The following KBTBD11 variants were observed in gnomAD, a reference collection of about 807,000 sequenced individuals.
The protein encoded by KBTBD11 is kelch repeat and BTB domain-containing protein 11.
For synonymous variants in KBTBD11, 747 were observed against 499.0 expected, an observed-to-expected ratio of 1.50 and a Z score of -6.63; for missense variants, 1,390 against 1,001.8, an observed-to-expected ratio of 1.39 and a Z score of -5.23.
chr8:1,974,312 C>CCCGCG, intron 1 of KBTBD11: 2 of 984,566 alleles, frequency 2.0e-6, no homozygotes, highest in East Asian at 1.1e-4. Context: ...CAATGAGCCG[C>CCCGCG]CCGCGCCGCG....
At chr8:1,999,553 A>G (rs11986732) in intron 1 of KBTBD11, among the ~76,000 whole-genome samples, 74,632 of 152,018 alleles carry the variant, frequency 0.49, 18,742 homozygotes, top group East Asian at 0.77. Context: ...ATTGTATTCT[A>G]TAATGCATCT....
intron 1 of KBTBD11, among the ~76,000 whole-genome samples, chr8:1,987,007 CAAAAAAAAA>C (rs59934216): frequency 1.6e-5 from 1 of 62,022 alleles, no homozygotes; most frequent in Non-Finnish European, 2.6e-5. Flanking sequence ...CCTATCTCTC[CAAAAAAAAA>C]AAAAAAAAAA....
chr8:1,996,712 T>C (rs1008732873), intron 1 of KBTBD11, among the ~76,000 whole-genome samples: 31 of 152,158 alleles, frequency 2.0e-4, no homozygotes, highest in African/African-American at 7.5e-4. Context: ...AAATAGAGCA[T>C]GATATTTTAT....
rs775226395 is a variant in KBTBD11, at chr8:2,006,068, TCTG to T, written c.*3008_*3010del. 6.0e-6 allele frequency: 1 copy of T among 167,114 alleles called. No homozygotes were observed. The highest frequency in any genetic ancestry group is 1.5e-5 in the Non-Finnish European group (1 of 68,124). The allele number at this position is 167,114 out of a possible 1,614,324, so 10.4% of individuals were successfully genotyped here. ...TTCTGAGTCTGTGGAGGCACCGACT[TCTG>T]CTGTAAGAAAATGAATGTTGTGGAA... On this transcript the variant is annotated 3_prime_UTR_variant, in exon 2 of 2. Transcript: ENST00000320248.
At chr8:1,993,507 A>G (rs1585745502) in intron 1 of KBTBD11, among the ~76,000 whole-genome samples, 1 of 100,328 alleles carries the variant, frequency 1.0e-5, no homozygotes, top group African/African-American at 3.3e-5. Context: ...CCATCCATCC[A>G]TCCATCCATC....
intron 1 of KBTBD11, among the ~76,000 whole-genome samples, chr8:1,977,816 A>T (rs1307832532): frequency 3.3e-5 from 5 of 152,176 alleles, no homozygotes; most frequent in African/African-American, 1.2e-4. Flanking sequence ...GATTACAGGC[A>T]TGAACCACCA....
chr8:2,001,613 G>A lies in KBTBD11; in HGVS notation c.421G>A (p.Asp141Asn). The stretch of plus-strand genomic sequence containing the variant: ...GTTCGGGGCGGTGTACGGGGAGCCG[G>A]ACCTGGTGCTGGAGGTGTCGGGGCG... ...PGFGAVYGEP[D>N]LVLEVSGRRL... Residue 141 changes from aspartate (D) to asparagine (N), a missense_variant, in exon 2 of 2, where the codon GAC becomes AAC. Physicochemically the swap from Asp to Asn is conservative, Grantham distance 23 (BLOSUM62 1). Transcript: ENST00000320248. 2.0e-6 allele frequency: 3 copies of A among 1,477,446 alleles called. No individual in the cohort carries two copies. The highest frequency in any genetic ancestry group is 2.7e-6 in the Non-Finnish European group (3 of 1,119,590). The allele number at this position is 1,477,446 out of a possible 1,614,324, so 91.5% of individuals were successfully genotyped here.
chr8:1,986,800 C>G (rs73538611), intron 1 of KBTBD11, among the ~76,000 whole-genome samples: 4,795 of 152,084 alleles, frequency 0.032, 268 homozygotes, highest in African/African-American at 0.11. Context: ...TATAAAGAAA[C>G]GCTCATGGAT....
chr8:1,982,033 G>A (rs980324472), intron 1 of KBTBD11, among the ~76,000 whole-genome samples: 14 of 152,130 alleles, frequency 9.2e-5, no homozygotes, highest in African/African-American at 3.1e-4. Flanking sequence ...CTTCTCTGGA[G>A]AACCCTGGTT....
chr8:1,996,418 C>T (rs1026328409), intron 1 of KBTBD11, among the ~76,000 whole-genome samples: 1 of 152,144 alleles, frequency 6.6e-6, no homozygotes, highest in African/African-American at 2.4e-5. Context: ...AGCCCTGTGC[C>T]ACCAAGCCCG....
rs184469053 is a variant in KBTBD11, at chr8:1,983,959, G to A, written c.-909+10024G>A. On this transcript the variant is annotated intron_variant, in intron 1 of 1. Coordinates refer to ENST00000320248, the MANE Select transcript of KBTBD11 (RefSeq NM_014867.3). ...AGCCTGGCCAACAAGGTGAAGCTCC[G>A]TCTCTACTAAAAATACAAAAATTAG... 6.6e-5 allele frequency among the ~76,000 whole-genome samples: 10 copies of A among 151,034 alleles called. No individual in the cohort carries two copies. The East Asian group carries it at 1.6e-3, about 24-fold the overall frequency.
chr8:1,998,895 C>G (rs1236362887), intron 1 of KBTBD11, among the ~76,000 whole-genome samples: 6 of 152,196 alleles, frequency 3.9e-5, no homozygotes. Flanking sequence ...CATTGTGGTC[C>G]TTTCCCCGGC....
rs1563379269 is a variant in KBTBD11 at position 2,001,636 on chromosome 8, G to A, written c.444G>A (p.Gly148=). 3 of 1,479,096 alleles carry A rather than the reference G, an allele frequency of 2.0e-6. No homozygotes were observed. The highest frequency in any genetic ancestry group is 2.7e-6 in the Non-Finnish European group (3 of 1,120,524). The allele number at this position is 1,479,096 out of a possible 1,614,324, so 91.6% of individuals were successfully genotyped here. ...CGGACCTGGTGCTGGAGGTGTCGGG[G>A]CGCCGGCTGCGCGCGCACAAGGCGG... The part of the protein sequence containing the change: ...GEPDLVLEVS[G]RRLRAHKAVL... The change falls in exon 2 of 2, where the codon GGG becomes GGA. Residue 148 remains glycine, a synonymous_variant. Coordinates refer to ENST00000320248, the MANE Select transcript of KBTBD11 (RefSeq NM_014867.3).
chr8:1,998,625 T>C (rs1335784946), intron 1 of KBTBD11, among the ~76,000 whole-genome samples: 2 of 152,238 alleles, frequency 1.3e-5, no homozygotes, highest in Non-Finnish European at 2.9e-5. Flanking sequence ...GAAAGTTTAC[T>C]ACACTGGATT....
At chr8:1,976,672 G>A (rs1260538072) in intron 1 of KBTBD11, among the ~76,000 whole-genome samples, 1 of 152,138 alleles carries the variant, frequency 6.6e-6, no homozygotes, top group Non-Finnish European at 1.5e-5. Flanking sequence ...CGTTAATACA[G>A]TGAAAGGCAT....
rs752423080 is a variant in KBTBD11 at position 2,001,292 on chromosome 8, C to A, written c.100C>A (p.Pro34Thr). The change falls in exon 2 of 2, where the codon CCC becomes ACC. Residue 34 changes from proline to threonine, a missense_variant. Pro to Thr is a conservative substitution (Grantham distance 38). Coordinates refer to ENST00000320248, the MANE Select transcript of KBTBD11 (RefSeq NM_014867.3). Reference protein sequence around the residue: ...SEGAASPAQTPCSLGASLCFS... With the variant: ...SEGAASPAQTTCSLGASLCFS... ...GGGCGCCGCGTCCCCGGCGCAGACACCCTGCAGTCTCGGCGCGTCCCTGTG... is the reference window on the plus strand; with the variant it reads ...GGGCGCCGCGTCCCCGGCGCAGACAACCTGCAGTCTCGGCGCGTCCCTGTG... The A allele has an allele frequency of 8.2e-5, 125 of 1,524,708 alleles. No homozygotes were observed. The highest frequency in any genetic ancestry group is 1.1e-4 in the Non-Finnish European group (122 of 1,144,448). The allele number at this position is 1,524,708 out of a possible 1,614,324, so 94.4% of individuals were successfully genotyped here.
chr8:1,974,317 G>A (rs947435245), intron 1 of KBTBD11: 6 of 984,374 alleles, frequency 6.1e-6, no homozygotes, highest in African/African-American at 1.8e-5. Flanking sequence ...AGCCGCCCGC[G>A]CCGCGCCCGC....
At chr8:1,980,133 A>T (rs983786031) in intron 1 of KBTBD11, among the ~76,000 whole-genome samples, 1 of 151,684 alleles carries the variant, frequency 6.6e-6, no homozygotes, top group Non-Finnish European at 1.5e-5. Context: ...ATCTTATTAG[A>T]TGGGATTTGA....
chr8:2,002,668 G>A lies in KBTBD11; in HGVS notation c.1476G>A (p.Ser492=), dbSNP rs772071058. The A allele has an allele frequency of 6.4e-6, 10 of 1,570,496 alleles. No individual in the cohort carries two copies. In the Admixed American group the frequency reaches 1.6e-4, roughly 25 times the overall value. The change falls in exon 2 of 2, where the codon TCG becomes TCA. Residue 492 remains serine, a synonymous_variant. Coordinates refer to ENST00000320248, the MANE Select transcript of KBTBD11 (RefSeq NM_014867.3). The surrounding 1 kb of genome is among the most constrained non-coding windows in gnomAD (Gnocchi z 4.1). ...CGTGCAGCAGCAGCCGCGAGCGCTC[G>A]GCCGACATGGTGGCTCTCGACGGCT... ...ECPCSSSRER[S]ADMVALDGFI...
Sources: gnomAD v4.1 joint callset for allele counts (sites outside exome capture counted in the v4.1 genomes callset) on GRCh38, gnomAD v4.1.1 for gene constraint, Gnocchi (gnomAD v3.1) non-coding constraint, MANE v1.5 for transcripts, NCBI Gene and HGNC (gene_info 2026-07-23, HGNC 2026-07-21) for gene names.